The following TTC28 variants were observed in gnomAD, a reference collection of about 807,000 sequenced individuals.
TTC28 encodes the protein tetratricopeptide repeat protein 28.
In TTC28, 61 loss-of-function variants were observed where a neutral mutation model predicts 198.0. That is an observed-to-expected ratio of 0.31 (90% CI 0.25 to 0.38). The LOEUF is 0.38. Among genes scored for constraint, TTC28 ranks in the 10% least tolerant of loss-of-function variants. The pLI is 1.00. For synonymous variants in TTC28, 1,171 were observed against 1,297.8 expected (o/e 0.90, Z 2.10); for missense variants, 2,678 against 3,164.0 (o/e 0.85, Z 3.69).
intron 5 of TTC28, among the ~76,000 whole-genome samples, chr22:28,261,643 C>A (rs1012064363): frequency 6.6e-6 from 1 of 152,160 alleles, no homozygotes; most frequent in Non-Finnish European, 1.5e-5. Flanking sequence ...ACCCTCTCTA[C>A]CGAATGCCTC....
intron 3 of TTC28, among the ~76,000 whole-genome samples, chr22:28,298,986 T>A (rs1235942683): frequency 1.3e-5 from 2 of 152,188 alleles, no homozygotes; most frequent in Admixed American, 1.3e-4. Flanking sequence ...GAAGATAAAA[T>A]TAATGTTGGT....
At chr22:28,079,340 T>C (rs991943852) in intron 12 of TTC28, among the ~76,000 whole-genome samples, 6 of 152,320 alleles carry the variant, frequency 3.9e-5, no homozygotes, top group African/African-American at 1.4e-4. Context: ...TAAATATGTA[T>C]TTTTAAAATA....
At chr22:28,386,728 A>G (rs1195769141) in intron 2 of TTC28, among the ~76,000 whole-genome samples, 1 of 152,168 alleles carries the variant, frequency 6.6e-6, no homozygotes, top group Non-Finnish European at 1.5e-5. Context: ...CTTGATAATC[A>G]TATACTACTG....
chr22:28,459,319 T>C (rs749790049), intron 2 of TTC28, among the ~76,000 whole-genome samples: 1 of 151,852 alleles, frequency 6.6e-6, no homozygotes, highest in Non-Finnish European at 1.5e-5. Flanking sequence ...TGGTTCCAGA[T>C]ACTCAGGATG....
At chr22:28,004,098 G>C (rs1171231778) in intron 14 of TTC28, among the ~76,000 whole-genome samples, 10 of 152,258 alleles carry the variant, frequency 6.6e-5, no homozygotes, top group Non-Finnish European at 1.2e-4. Context: ...GGCAGCCCCA[G>C]AACGGGGAAA....
chr22:28,584,918 A>G (rs1428045865), intron 2 of TTC28, among the ~76,000 whole-genome samples: 1 of 152,232 alleles, frequency 6.6e-6, no homozygotes, highest in African/African-American at 2.4e-5. Context: ...ACTTGGACTG[A>G]GAAGTTATAG....
intron 5 of TTC28, among the ~76,000 whole-genome samples, chr22:28,243,790 G>A (rs1247386785): frequency 2.6e-5 from 4 of 152,106 alleles, no homozygotes; most frequent in Non-Finnish European, 5.9e-5. Flanking sequence ...GGTGGGGAGA[G>A]GACATAAGGA....
intron 2 of TTC28, among the ~76,000 whole-genome samples, chr22:28,353,935 A>G (rs923235424): frequency 3.3e-5 from 5 of 152,210 alleles, no homozygotes; most frequent in African/African-American, 9.6e-5. Flanking sequence ...AAGACACTCA[A>G]TGTTATTAGT....
chr22:28,559,585 C>T (rs1331097542), intron 2 of TTC28, among the ~76,000 whole-genome samples: 2 of 152,180 alleles, frequency 1.3e-5, no homozygotes, highest in East Asian at 3.9e-4. Context: ...TCTATTTCCC[C>T]ACCTACAGTC....
At chr22:28,384,010 C>T (rs2046535279) in intron 2 of TTC28, among the ~76,000 whole-genome samples, 1 of 152,106 alleles carries the variant, frequency 6.6e-6, no homozygotes, top group Admixed American at 6.5e-5. Context: ...CAAAACAAAC[C>T]GTTCTCTTTG....
intron 6 of TTC28, among the ~76,000 whole-genome samples, chr22:28,122,334 C>G (rs961234213): frequency 5.9e-5 from 9 of 152,188 alleles, no homozygotes; most frequent in African/African-American, 2.2e-4. Context: ...CCTTAAACCT[C>G]TGAACCAATG....
intron 13 of TTC28, among the ~76,000 whole-genome samples, chr22:28,025,637 G>C (rs1366745948): frequency 6.6e-6 from 1 of 152,174 alleles, no homozygotes; most frequent in Non-Finnish European, 1.5e-5. Flanking sequence ...CCAGCATTTT[G>C]GGAGGCCAAG....
chr22:28,413,534 C>T (rs184203771), intron 2 of TTC28, among the ~76,000 whole-genome samples: 1 of 151,994 alleles, frequency 6.6e-6, no homozygotes, highest in African/African-American at 2.4e-5. Context: ...TTAAATGTTG[C>T]GACGAACTCT....
intron 2 of TTC28, among the ~76,000 whole-genome samples, chr22:28,611,754 C>T (rs1310349336): frequency 2.7e-5 from 4 of 146,768 alleles, no homozygotes; most frequent in African/African-American, 7.5e-5. Context: ...TGAGAATATG[C>T]GGTGTTTGGT....
chr22:28,151,044 G>T (rs886953709), intron 6 of TTC28, among the ~76,000 whole-genome samples: 1 of 152,142 alleles, frequency 6.6e-6, no homozygotes, highest in Non-Finnish European at 1.5e-5. Context: ...AAGTCCCCAT[G>T]GGGGGTTTTT....
chr22:28,105,372 C>T lies in TTC28; in HGVS notation c.3214G>A (p.Asp1072Asn), dbSNP rs1355965340. The change falls in exon 8 of 23, where the codon GAC becomes AAC. Residue 1072 changes from aspartate (D) to asparagine (N), a missense_variant. Around this residue, in one of 8 missense-constraint regions of TTC28, gnomAD observed 727 missense variants for 861.9 expected, o/e 0.84. Transcript: ENST00000397906. The stretch of plus-strand genomic sequence containing the variant: ...TATGACACCGTCTTGGCCGCCAAGT[C>T]ATTCATCTGTGCAGCAATGCTCAAG... Reference protein sequence around the residue: ...QHLSIAAQMNDLAAKTVSYSS... With the variant: ...QHLSIAAQMNNLAAKTVSYSS... 32 of 1,551,702 alleles carry T rather than the reference C, an allele frequency of 2.1e-5. No individual in the cohort carries two copies. The highest frequency in any genetic ancestry group is 1.7e-4 in the Middle Eastern group (1 of 5,992).
chr22:28,098,064 G>C (rs1942026627), intron 10 of TTC28, among the ~76,000 whole-genome samples: 1 of 152,178 alleles, frequency 6.6e-6, no homozygotes, highest in African/African-American at 2.4e-5. Context: ...ATATCTCCTG[G>C]GAAGAGGCAG....
At chr22:28,329,954 C>A (rs1410765505) in intron 2 of TTC28, among the ~76,000 whole-genome samples, 2 of 152,170 alleles carry the variant, frequency 1.3e-5, no homozygotes, top group Non-Finnish European at 2.9e-5. Context: ...TGCTAAAATT[C>A]AGTGAATTTC....
chr22:28,242,476 G>T (rs893239300), intron 5 of TTC28, among the ~76,000 whole-genome samples: 1 of 152,100 alleles, frequency 6.6e-6, no homozygotes, highest in African/African-American at 2.4e-5. Flanking sequence ...ATCTAGAGAG[G>T]TTGTACACTT....
Sources: gnomAD v4.1 joint callset for allele counts (sites outside exome capture counted in the v4.1 genomes callset) on GRCh38, gnomAD v4.1.1 for gene constraint, gnomAD v4.1.1 regional missense constraint, MANE v1.5 for transcripts, NCBI Gene and HGNC (gene_info 2026-07-23, HGNC 2026-07-21) for gene names.